SRCIN1: variants seen among roughly 807,000 people sequenced by gnomAD.
The protein encoded by SRCIN1 is SRC kinase signaling inhibitor 1.
SRCIN1 carries 50 observed loss-of-function variants against 116.2 expected under a neutral mutation model. The ratio of observed to expected loss-of-function variants is 0.43; its 90% CI spans 0.34 to 0.54. The LOEUF is 0.54. Among genes scored for constraint, SRCIN1 ranks in the 20% least tolerant of loss-of-function variants. SRCIN1 has a pLI of 0.02. For synonymous variants in SRCIN1, 736 were observed against 750.0 expected, an observed-to-expected ratio of 0.98 and a Z score of 0.30; for missense variants, 1,446 against 1,672.0, an observed-to-expected ratio of 0.86 and a Z score of 2.36.
chr17:38,604,221 A>G lies in SRCIN1; in HGVS notation c.22+1463T>C, dbSNP rs749086156. 2.0e-5 allele frequency among the ~76,000 whole-genome samples: 3 copies of G among 152,122 alleles called. No individual in the cohort carries two copies. The highest frequency in any genetic ancestry group is 2.9e-5 in the Non-Finnish European group (2 of 68,012). On this transcript the variant is annotated intron_variant, in intron 1 of 18. Coordinates refer to ENST00000617146, the MANE Select transcript of SRCIN1 (RefSeq NM_025248.3). This position sits in a 1 kb window ranked among gnomAD's most constrained non-coding sequence, Gnocchi z 4.3. ...CCAAAAGTGCTCAAACCCCACCCAA[A>G]GGAACATTCAGGCCCACAAACCTGG...
intron 1 of SRCIN1, among the ~76,000 whole-genome samples, chr17:38,597,785 A>G (rs528208613): frequency 1.3e-5 from 2 of 152,304 alleles, no homozygotes; most frequent in East Asian, 3.9e-4. Flanking sequence ...TTCTGCCTAA[A>G]GAAATTATCT....
Position 38,544,624 on chromosome 17 carries a change from C to G in SRCIN1, c.3271-655G>C, listed in dbSNP as rs1484513891. 6.6e-6 allele frequency: 1 copy of G among 152,216 alleles called. No homozygotes were observed. Among genetic ancestry groups the G allele is most frequent in the Non-Finnish European group, 1.5e-5 (1 of 68,056 alleles). The allele number at this position is 152,216 out of a possible 1,614,324, so 9.4% of individuals were successfully genotyped here. On this transcript the variant is annotated intron_variant, in intron 17 of 18. Transcript: ENST00000617146. The surrounding 1 kb of genome is among the most constrained non-coding windows in gnomAD (Gnocchi z 4.5). ...TATTTGTTGGTTTACAGATACAGAG[C>G]AGAAGGGGGAGGCCCTGGTTCTTGC...
chr17:38,605,573 G>A, intron 1 of SRCIN1, 111 bp downstream of exon 1: 2 of 833,780 alleles, frequency 2.4e-6, no homozygotes, highest in South Asian at 4.1e-5. Flanking sequence ...CGCCTCCCCG[G>A]CCCGGCCGCC....
At chr17:38,564,354 A>ACC (rs1193305484) in intron 3 of SRCIN1, 41 bp from the exon 4 acceptor site, 335 of 1,222,178 alleles carry the variant, frequency 2.7e-4, no homozygotes, top group African/African-American at 6.0e-4. Context: ...AAGGATGAGC[A>ACC]CCCCCCCTCC....
intron 3 of SRCIN1, 43 bp from the exon 4 acceptor site, chr17:38,564,356 C>CG (rs1597907308): frequency 3.5e-6 from 5 of 1,442,034 alleles, no homozygotes; most frequent in East Asian, 5.0e-5. Flanking sequence ...GGATGAGCAC[C>CG]CCCCCTCCCC....
At chr17:38,583,776 C>T (rs941327346) in intron 1 of SRCIN1, among the ~76,000 whole-genome samples, 7 of 152,098 alleles carry the variant, frequency 4.6e-5, no homozygotes, top group African/African-American at 7.2e-5. Flanking sequence ...TGGTCTCCAA[C>T]GCCTGACCTC....
chr17:38,535,764 A>C (rs1000870957), intron 18 of SRCIN1, among the ~76,000 whole-genome samples: 2 of 151,998 alleles, frequency 1.3e-5, no homozygotes, highest in African/African-American at 4.8e-5. Context: ...TTCCCATTTA[A>C]AGTTCTTTCC....
At chr17:38,539,719 T>C (rs1269322674) in intron 18 of SRCIN1, among the ~76,000 whole-genome samples, 3 of 152,110 alleles carry the variant, frequency 2.0e-5, no homozygotes, top group African/African-American at 4.8e-5. Context: ...AATCCTCTGG[T>C]GTCGTCCTTT....
intron 11 of SRCIN1, among the ~76,000 whole-genome samples, chr17:38,554,562 T>A (rs1444634495): frequency 1.3e-5 from 2 of 152,224 alleles, no homozygotes; most frequent in East Asian, 3.8e-4. Flanking sequence ...GTCTGCTTCC[T>A]GCCCTCCAAA....
At position 38,604,364 on chromosome 17, in the gene SRCIN1, CG is replaced by C. The variant is rs1371616970; in HGVS notation, c.22+1319del. Reference sequence around the variant, plus strand: ...CTGCCAGAAACCCCCACCCCCAGCTCGGGGAGCCCACTTTCCTTAAAGTTGG... The same window carrying C: ...CTGCCAGAAACCCCCACCCCCAGCTCGGGAGCCCACTTTCCTTAAAGTTGG... On this transcript the variant is annotated intron_variant, in intron 1 of 18. Transcript: ENST00000617146. The surrounding 1 kb of genome is among the most constrained non-coding windows in gnomAD (Gnocchi z 4.3). 9.6e-6 allele frequency: 3 copies of C among 313,574 alleles called. No homozygotes were observed. Among genetic ancestry groups the C allele is most frequent in the African/African-American group, 6.9e-5 (3 of 43,262 alleles). The allele number at this position is 313,574 out of a possible 1,614,324, so 19.4% of individuals were successfully genotyped here. A position where few individuals can be genotyped will look rare whatever the true frequency, so the allele number is the denominator to read the frequency against.
Position 38,604,647 on chromosome 17 carries a change from CCCCGCCGGG to C in SRCIN1, c.22+1028_22+1036del, listed in dbSNP as rs767183658. 4.9e-6 allele frequency: 2 copies of C among 406,920 alleles called. No individual in the cohort carries two copies. Among genetic ancestry groups the C allele is most frequent in the South Asian group, 3.5e-5 (2 of 57,496 alleles). The allele number at this position is 406,920 out of a possible 1,614,324, so 25.2% of individuals were successfully genotyped here. A position where few individuals can be genotyped will look rare whatever the true frequency, so the allele number is the denominator to read the frequency against. On this transcript the variant is annotated intron_variant, in intron 1 of 18. Coordinates refer to ENST00000617146, the MANE Select transcript of SRCIN1 (RefSeq NM_025248.3). This position sits in a 1 kb window ranked among gnomAD's most constrained non-coding sequence, Gnocchi z 4.3. ...GGACGAGCACCAGCAGCCGCACACG[CCCCGCCGGG>C]CCCTGACAGCTGAGCTGCGGAGGCA...
At chr17:38,577,530 C>T (rs760745604) in intron 2 of SRCIN1, among the ~76,000 whole-genome samples, 4 of 152,106 alleles carry the variant, frequency 2.6e-5, no homozygotes, top group Non-Finnish European at 5.9e-5. Context: ...CAGTAGAACC[C>T]GGAAAAGGGA....
rs552453958 is a variant in SRCIN1, at chr17:38,539,818, C to G, written c.3417+4005G>C. On this transcript the variant is annotated intron_variant, in intron 18 of 18. Transcript: ENST00000617146. ...GGCGGATCACTTGAGGTCAGGAGTT[C>G]AAGACCAGCCTGGTCAACATGGTGA... 2.6e-4 allele frequency among the ~76,000 whole-genome samples: 40 copies of G among 152,064 alleles called. No individual in the cohort carries two copies. In the South Asian group the frequency reaches 2.7e-3, roughly 10 times the overall value.
intron 7 of SRCIN1, among the ~76,000 whole-genome samples, chr17:38,561,076 C>A (rs1419380804): frequency 6.6e-6 from 1 of 152,212 alleles, no homozygotes. Flanking sequence ...CAGTGGACTT[C>A]AGCTGTCCCG....
rs1026792049 is a variant in SRCIN1, at chr17:38,597,734, C to T, written c.22+7950G>A. Among the ~76,000 whole-genome samples the T allele has an allele frequency of 2.0e-5, 3 of 152,228 alleles. 1 individual carries two copies. The highest frequency in any genetic ancestry group is 1.3e-4 in the Admixed American group (2 of 15,284). ...GTCTCCTATCCACTCCCACCCCTCT[C>T]TCAGTCTTTGGCTATCTTCCTTTTG... On this transcript the variant is annotated intron_variant, in intron 1 of 18. Transcript: ENST00000617146.
chr17:38,582,686 G>A (rs957590812), intron 1 of SRCIN1, among the ~76,000 whole-genome samples: 3 of 152,198 alleles, frequency 2.0e-5, no homozygotes, highest in African/African-American at 7.2e-5. Flanking sequence ...GAGGAGCTTT[G>A]ATGTGAAAAG....
chr17:38,561,784 G>C lies in SRCIN1; in HGVS notation c.1379C>G (p.Pro460Arg). Residue 460 changes from proline to arginine, a missense_variant, in exon 7 of 19, where the codon CCG becomes CGG. Pro to Arg is a moderately radical substitution (Grantham distance 103). Around this residue, in one of 5 missense-constraint regions of SRCIN1, gnomAD observed 398 missense variants for 385.6 expected, o/e 1.03. Transcript: ENST00000617146. ...GAAGCCGTAGCCGTCGCCGTACAGC[G>C]GGCCGCCGCCGCCCGCCGCCTTGTA... ...SLYKAAGGGGPLYGDGYGFRL... is the reference protein window; with the variant it reads ...SLYKAAGGGGRLYGDGYGFRL... 1.3e-6 allele frequency: 2 copies of C among 1,486,468 alleles called. No homozygotes were observed. The highest frequency in any genetic ancestry group is 1.8e-6 in the Non-Finnish European group (2 of 1,125,920). The allele number at this position is 1,486,468 out of a possible 1,614,324, so 92.1% of individuals were successfully genotyped here. A position where few individuals can be genotyped will look rare whatever the true frequency, so the allele number is the denominator to read the frequency against.
At chr17:38,566,417 G>A (rs1906685991) in intron 3 of SRCIN1, among the ~76,000 whole-genome samples, 1 of 152,134 alleles carries the variant, frequency 6.6e-6, no homozygotes, top group African/African-American at 2.4e-5. Flanking sequence ...AGACAATAGG[G>A]CAGAGGAAAG....
intron 1 of SRCIN1, among the ~76,000 whole-genome samples, chr17:38,595,056 T>C (rs1211031956): frequency 1.3e-5 from 2 of 152,126 alleles, no homozygotes; most frequent in South Asian, 2.1e-4. Flanking sequence ...CAGGGGCAGA[T>C]AGACAGAGGA....
Sources: allele counts gnomAD v4.1 joint callset (sites outside exome capture counted in the v4.1 genomes callset), GRCh38; gene constraint gnomAD v4.1.1; regional missense constraint gnomAD v4.1.1; non-coding constraint Gnocchi (gnomAD v3.1); transcripts MANE v1.5; gene names NCBI Gene and HGNC (gene_info 2026-07-23, HGNC 2026-07-21).